The following RPS6KA2 variants were observed in gnomAD, a reference collection of about 807,000 sequenced individuals.
RPS6KA2 encodes the protein ribosomal protein S6 kinase A2.
In RPS6KA2, 42 loss-of-function variants were observed where a neutral mutation model predicts 91.8. The ratio of observed to expected loss-of-function variants is 0.46; its 90% CI spans 0.36 to 0.59. The LOEUF (loss-of-function observed/expected upper bound fraction) is 0.59, where lower values mean the gene tolerates loss of function less well. Among genes scored for constraint, RPS6KA2 ranks in the 20% least tolerant of loss-of-function variants. RPS6KA2 has a pLI of 0.00. For missense variants in RPS6KA2, 798 were observed against 978.5 expected, an observed-to-expected ratio of 0.82 and a Z score of 2.46; for synonymous variants, 414 against 393.6, an observed-to-expected ratio of 1.05 and a Z score of -0.61.
chr6:166,475,379 C>T (rs1780933731), intron 10 of RPS6KA2, among the ~76,000 whole-genome samples: 3 of 152,218 alleles, frequency 2.0e-5, no homozygotes, highest in Admixed American at 6.5e-5. Context: ...TCCACTCACC[C>T]GTCACCCAGG....
chr6:166,581,947 AG>A lies in RPS6KA2; in HGVS notation c.100-43164del, dbSNP rs60272748. On this transcript the variant is annotated intron_variant, in intron 1 of 20. Coordinates refer to ENST00000265678, the MANE Select transcript of RPS6KA2 (RefSeq NM_021135.6). ...GGGCTGGGCAGGAGGGCACAGGGAG[AG>A]GGTGAGATAGGGTGGGACGCCCACT... Among the ~76,000 whole-genome samples, 78 of 53,236 alleles carry A rather than the reference AG, an allele frequency of 1.5e-3. No individual in the cohort carries two copies. In the Middle Eastern group the frequency reaches 0.052, roughly 35 times the overall value. 34.9% of individuals were successfully genotyped at this position (53,236 alleles called of 152,430 possible).
intron 2 of RPS6KA2, among the ~76,000 whole-genome samples, chr6:166,808,018 G>A (rs569195129): frequency 6.6e-6 from 1 of 151,432 alleles, no homozygotes; most frequent in Non-Finnish European, 1.5e-5. Flanking sequence ...ACCTCGGGAT[G>A]CATGAGGCAG....
chr6:166,632,519 G>T (rs907903547), intron 2 of RPS6KA2, among the ~76,000 whole-genome samples: 1 of 151,986 alleles, frequency 6.6e-6, no homozygotes, highest in Non-Finnish European at 1.5e-5. Flanking sequence ...GGCTAAGGCA[G>T]GAGCATCCCT....
chr6:166,849,482 G>A lies in RPS6KA2; in HGVS notation c.123+8718C>T, dbSNP rs575674320. On this transcript the variant is annotated intron_variant, in intron 2 of 21. Transcript: ENST00000503859. The surrounding 1 kb of genome is among the most constrained non-coding windows in gnomAD (Gnocchi z 4.9). Reference sequence around the variant, plus strand: ...AGTTATCACTCCCCAGACTTTGCCCGAAGAATAAAAGAAGAAGGGAGGGTG... The same window carrying A: ...AGTTATCACTCCCCAGACTTTGCCCAAAGAATAAAAGAAGAAGGGAGGGTG... Among the ~76,000 whole-genome samples, 19 of 152,234 alleles carry A rather than the reference G, an allele frequency of 1.2e-4. No individual in the cohort carries two copies. Among genetic ancestry groups the A allele is most frequent in the African/African-American group, 4.1e-4 (17 of 41,544 alleles).
At chr6:166,534,301 GC>G (rs1291581914) in intron 2 of RPS6KA2, among the ~76,000 whole-genome samples, 15 of 151,500 alleles carry the variant, frequency 9.9e-5, no homozygotes, top group South Asian at 2.1e-4. Flanking sequence ...GTGCCTGTAG[GC>G]CCAGCTATCC....
At chr6:166,610,129 A>G (rs954371737) in intron 1 of RPS6KA2, among the ~76,000 whole-genome samples, 3 of 152,218 alleles carry the variant, frequency 2.0e-5, no homozygotes, top group Non-Finnish European at 2.9e-5. Context: ...CATGGTAAAC[A>G]GCGTGAGGGA....
chr6:166,578,487 A>C (rs568251119), intron 1 of RPS6KA2, among the ~76,000 whole-genome samples: 1 of 152,220 alleles, frequency 6.6e-6, no homozygotes. Context: ...CACTTTTGCA[A>C]AGCAGAGATG....
chr6:166,674,036 G>A (rs577282316), intron 2 of RPS6KA2, among the ~76,000 whole-genome samples: 17 of 152,332 alleles, frequency 1.1e-4, no homozygotes, highest in East Asian at 1.9e-4. Context: ...GAGCTGCATC[G>A]CTGGGGAAAG....
intron 2 of RPS6KA2, among the ~76,000 whole-genome samples, chr6:166,697,908 C>T (rs754972661): frequency 1.4e-4 from 21 of 152,146 alleles, no homozygotes; most frequent in African/African-American, 2.2e-4. Flanking sequence ...GGATCTGGCA[C>T]GGGGAGGACT....
At chr6:166,499,407 G>T (rs1220312723) in intron 7 of RPS6KA2, among the ~76,000 whole-genome samples, 2 of 152,212 alleles carry the variant, frequency 1.3e-5, no homozygotes, top group East Asian at 3.8e-4. Context: ...GTGGCAGAAG[G>T]GACTGATATG....
intron 2 of RPS6KA2, among the ~76,000 whole-genome samples, chr6:166,769,043 G>A (rs1429603620): frequency 6.6e-6 from 1 of 152,106 alleles, no homozygotes; most frequent in Non-Finnish European, 1.5e-5. Context: ...GCCTGTGCCG[G>A]CCTGGCTGTT....
intron 2 of RPS6KA2, among the ~76,000 whole-genome samples, chr6:166,834,709 C>T (rs984230667): frequency 3.3e-5 from 5 of 152,042 alleles, no homozygotes; most frequent in East Asian, 1.9e-4. Flanking sequence ...TGATGTAATC[C>T]GGATATAAAT....
intron 1 of RPS6KA2, among the ~76,000 whole-genome samples, chr6:166,623,864 G>A (rs766048572): frequency 6.6e-6 from 1 of 152,148 alleles, no homozygotes; most frequent in Non-Finnish European, 1.5e-5. Flanking sequence ...TGCTGATAGA[G>A]GACAAAAATA....
At chr6:166,807,994 G>A (rs535723485) in intron 2 of RPS6KA2, among the ~76,000 whole-genome samples, 2 of 152,054 alleles carry the variant, frequency 1.3e-5, no homozygotes, top group East Asian at 3.9e-4. Flanking sequence ...ATGGACCCAT[G>A]GCTCCACTGA....
At chr6:166,514,336 C>T (rs962419423) in intron 3 of RPS6KA2, among the ~76,000 whole-genome samples, 1 of 152,306 alleles carries the variant, frequency 6.6e-6, no homozygotes, top group Admixed American at 6.5e-5. Context: ...CAGCAAGGGG[C>T]CACCAGAGGG....
chr6:166,833,963 G>A (rs1780251943), intron 2 of RPS6KA2, among the ~76,000 whole-genome samples: 1 of 151,450 alleles, frequency 6.6e-6, no homozygotes, highest in Non-Finnish European at 1.5e-5. Context: ...CAAACTCCTG[G>A]CCTCAAGTGA....
chr6:166,617,859 T>G (rs1219079001), intron 1 of RPS6KA2, among the ~76,000 whole-genome samples: 6 of 152,234 alleles, frequency 3.9e-5, no homozygotes, highest in Non-Finnish European at 5.9e-5. Flanking sequence ...AAGTCCAGCC[T>G]GCGGCACCTT....
chr6:166,632,995 A>T (rs1348937485), intron 2 of RPS6KA2, among the ~76,000 whole-genome samples: 1 of 152,216 alleles, frequency 6.6e-6, no homozygotes, highest in African/African-American at 2.4e-5. Context: ...TGGGCAGATC[A>T]CTTGAGCCCA....
intron 2 of RPS6KA2, among the ~76,000 whole-genome samples, chr6:166,756,887 G>A (rs1011579288): frequency 2.0e-5 from 3 of 152,140 alleles, no homozygotes; most frequent in Non-Finnish European, 2.9e-5. Context: ...AAAATAAAAT[G>A]GGCAACCTCA....
Sources: gnomAD v4.1 joint callset for allele counts (sites outside exome capture counted in the v4.1 genomes callset) on GRCh38, gnomAD v4.1.1 for gene constraint, Gnocchi (gnomAD v3.1) non-coding constraint, MANE v1.5 for transcripts, NCBI Gene and HGNC (gene_info 2026-07-23, HGNC 2026-07-21) for gene names.